The following SLC13A3 variants were observed in gnomAD, a reference collection of about 807,000 sequenced individuals.
SLC13A3 encodes Na(+)/dicarboxylate cotransporter 3.
In SLC13A3, 40 loss-of-function variants were observed where a neutral mutation model predicts 59.0. That is an observed-to-expected ratio of 0.68 (90% confidence interval 0.53 to 0.88). SLC13A3 has a LOEUF of 0.88. SLC13A3 is among the 40% of genes least tolerant of loss of function. The pLI, the probability that SLC13A3 is intolerant of heterozygous loss-of-function variation, is 0.00. For synonymous variants in SLC13A3, 317 were observed against 330.3 expected (o/e 0.96, Z 0.44); for missense variants, 699 against 783.2 (o/e 0.89, Z 1.28).
At chr20:46,649,228 C>A (rs1484250251) in intron 1 of SLC13A3, among the ~76,000 whole-genome samples, 2 of 152,164 alleles carry the variant, frequency 1.3e-5, no homozygotes, top group Non-Finnish European at 2.9e-5. Flanking sequence ...AGTTACATCC[C>A]AGGGGCTCTC....
chr20:46,610,598 C>T lies in SLC13A3; in HGVS notation c.389G>A (p.Gly130Glu). Residue 130 changes from glycine to glutamate, a missense_variant, in exon 3 of 13, where the codon GGG (glycine) becomes GAG (glutamate). By Grantham distance (98) the Gly-to-Glu change is moderately conservative. Coordinates refer to ENST00000279027, the MANE Select transcript of SLC13A3 (RefSeq NM_022829.6). ...VGVQPARLIL[G>E]MMVTTSFLSM... ...CAAGAACGAGGTGGTCACCATCATC[C>T]CCAGGATGAGCCTGCAGAGCAGATG... The T allele has an allele frequency of 6.2e-7, 1 of 1,613,180 alleles. No homozygotes were observed. The highest frequency in any genetic ancestry group is 1.3e-5 in the African/African-American group (1 of 75,010).
chr20:46,652,184 C>T (rs563247693), upstream of SLC13A3, among the ~76,000 whole-genome samples: 1 of 152,208 alleles, frequency 6.6e-6, no homozygotes, highest in East Asian at 1.9e-4. Flanking sequence ...CAACAAATCC[C>T]CATGACACAA....
intron 8 of SLC13A3, 97 bp from the exon 9 acceptor site, chr20:46,583,766 C>A: frequency 6.5e-7 from 1 of 1,536,610 alleles, no homozygotes; most frequent in Admixed American, 2.0e-5. Flanking sequence ...GGGAATTAGG[C>A]CTGCTGTGAA....
chr20:46,679,370 A>C (rs1414145052), intron 1 of SLC13A3, among the ~76,000 whole-genome samples: 3 of 152,104 alleles, frequency 2.0e-5, no homozygotes, highest in Admixed American at 6.5e-5. Flanking sequence ...TAGCCTGGCC[A>C]ACATGTCAAA....
chr20:46,662,339 AAAT>A (rs1304592053), intron 1 of SLC13A3, among the ~76,000 whole-genome samples: 7 of 152,230 alleles, frequency 4.6e-5, no homozygotes, highest in African/African-American at 1.2e-4. Context: ...CTTTCCAAAA[AAAT>A]AATAACAAAA....
chr20:46,657,372 CA>C (rs35578835), intron 1 of SLC13A3, among the ~76,000 whole-genome samples: 211 of 129,540 alleles, frequency 1.6e-3, no homozygotes, highest in African/African-American at 1.5e-3. Context: ...GAAAATGTCT[CA>C]AAAAAAAAAA....
At chr20:46,653,354 G>A (rs988676232), upstream of SLC13A3, among the ~76,000 whole-genome samples, 3 of 152,112 alleles carry the variant, frequency 2.0e-5, no homozygotes, top group African/African-American at 7.2e-5. Flanking sequence ...AGTTTGCTTT[G>A]TTCTCACAGA....
At chr20:46,673,181 G>C (rs913779389), upstream of SLC13A3, among the ~76,000 whole-genome samples, 24 of 152,192 alleles carry the variant, frequency 1.6e-4, no homozygotes, top group East Asian at 7.7e-4. Context: ...GCCAGGTGCT[G>C]TTCTAAGGGC....
At chr20:46,653,011 T>G (rs1347785825), upstream of SLC13A3, among the ~76,000 whole-genome samples, 1 of 152,240 alleles carries the variant, frequency 6.6e-6, no homozygotes, top group African/African-American at 2.4e-5. Context: ...CTAGTGATGT[T>G]TAACATCTTT....
intron 10 of SLC13A3, among the ~76,000 whole-genome samples, chr20:46,567,249 T>C (rs1411630201): frequency 1.3e-5 from 2 of 152,194 alleles, no homozygotes; most frequent in Non-Finnish European, 2.9e-5. Context: ...GGATAATTAC[T>C]ACAATGATAA....
At chr20:46,638,121 G>A (rs1005982379) in intron 1 of SLC13A3, among the ~76,000 whole-genome samples, 13 of 152,154 alleles carry the variant, frequency 8.5e-5, no homozygotes, top group African/African-American at 2.9e-4. Context: ...GATGTCCCAC[G>A]ATTCTGGTCC....
chr20:46,603,278 G>C (rs752664331), intron 3 of SLC13A3, among the ~76,000 whole-genome samples: 1 of 152,152 alleles, frequency 6.6e-6, no homozygotes, highest in Non-Finnish European at 1.5e-5. Context: ...GGGGCCATGA[G>C]GTCTCTGTCA....
chr20:46,679,592 C>A (rs1286974659), intron 1 of SLC13A3, among the ~76,000 whole-genome samples: 1 of 148,722 alleles, frequency 6.7e-6, no homozygotes, highest in African/African-American at 2.5e-5. Context: ...CTAGCCTGGG[C>A]GACAGAGCGA....
chr20:46,585,778 T>TA (rs2062185081), intron 8 of SLC13A3: 4 of 1,280,982 alleles, frequency 3.1e-6, no homozygotes, highest in Non-Finnish European at 3.1e-6. Flanking sequence ...TTTAGAAAAA[T>TA]AAAAAAATGG....
intron 3 of SLC13A3, among the ~76,000 whole-genome samples, chr20:46,606,233 A>G (rs2062436300): frequency 1.3e-5 from 2 of 152,206 alleles, no homozygotes; most frequent in South Asian, 2.1e-4. Flanking sequence ...GGAACGAGGT[A>G]GGAGGTCTTA....
At chr20:46,642,118 T>G (rs866934181) in intron 1 of SLC13A3, among the ~76,000 whole-genome samples, 2 of 152,240 alleles carry the variant, frequency 1.3e-5, no homozygotes, top group African/African-American at 4.8e-5. Context: ...TGTGTGGCCC[T>G]GTGTGGCATG....
intron 1 of SLC13A3, among the ~76,000 whole-genome samples, chr20:46,629,110 C>A (rs1035050077): frequency 6.6e-6 from 1 of 152,170 alleles, no homozygotes; most frequent in Non-Finnish European, 1.5e-5. Flanking sequence ...GGATTTCTTT[C>A]TTATATGCTC....
chr20:46,683,889 CG>C (rs1183737175), intron 1 of SLC13A3, among the ~76,000 whole-genome samples: 1 of 152,166 alleles, frequency 6.6e-6, no homozygotes, highest in African/African-American at 2.4e-5. Flanking sequence ...TGGTTTCGGT[CG>C]CCTTTTCACT....
At chr20:46,564,274 A>G (rs905165954) in intron 11 of SLC13A3, among the ~76,000 whole-genome samples, 1 of 151,832 alleles carries the variant, frequency 6.6e-6, no homozygotes, top group Non-Finnish European at 1.5e-5. Flanking sequence ...AAACCCCCCT[A>G]TGAGCTGGCC....
Sources: allele counts gnomAD v4.1 joint callset (sites outside exome capture counted in the v4.1 genomes callset), GRCh38; gene constraint gnomAD v4.1.1; transcripts MANE v1.5; gene names NCBI Gene and HGNC (gene_info 2026-07-23, HGNC 2026-07-21).